KIF26B: variants seen among roughly 807,000 people sequenced by gnomAD.
KIF26B encodes the protein kinesin family member 26B.
Under a neutral mutation model 151.2 loss-of-function variants are expected in KIF26B, and 63 were observed. The observed-to-expected ratio is 0.42, with a 90% CI of 0.34 to 0.51. The LOEUF (loss-of-function observed/expected upper bound fraction) is 0.51, where lower values mean the gene tolerates loss of function less well. KIF26B is among the 20% of genes least tolerant of loss of function. The pLI is 0.07. For synonymous variants in KIF26B, 1,357 were observed against 1,262.1 expected (o/e 1.08, Z -1.59); for missense variants, 2,813 against 2,913.6 (o/e 0.97, Z 0.79).
At chr1:245,551,856 C>A (rs1436159075) in intron 5 of KIF26B, among the ~76,000 whole-genome samples, 1 of 152,166 alleles carries the variant, frequency 6.6e-6, no homozygotes, top group Non-Finnish European at 1.5e-5. Flanking sequence ...CCAGGTTATC[C>A]AGGCTGGGTG....
intron 5 of KIF26B, among the ~76,000 whole-genome samples, chr1:245,593,669 TC>T (rs2043312699): frequency 6.6e-6 from 1 of 152,114 alleles, no homozygotes; most frequent in Non-Finnish European, 1.5e-5. Flanking sequence ...TGATTTATAA[TC>T]CTTTGGGTAT....
intron 5 of KIF26B, among the ~76,000 whole-genome samples, chr1:245,596,679 C>G (rs996122682): frequency 6.6e-6 from 1 of 152,056 alleles, no homozygotes; most frequent in Non-Finnish European, 1.5e-5. Context: ...TGAGTTCAAG[C>G]CCTGAATATC....
chr1:245,320,719 C>T (rs946749370), intron 2 of KIF26B, among the ~76,000 whole-genome samples: 1 of 151,946 alleles, frequency 6.6e-6, no homozygotes, highest in Non-Finnish European at 1.5e-5. Flanking sequence ...CCTCTGTCAC[C>T]CAGGCTGGAG....
At chr1:245,162,295 G>A (rs1435918933) in intron 2 of KIF26B, among the ~76,000 whole-genome samples, 2 of 150,266 alleles carry the variant, frequency 1.3e-5, no homozygotes, top group African/African-American at 2.5e-5. Flanking sequence ...CGTCTATGGT[G>A]TTATTGTGGC....
At chr1:245,559,102 T>C (rs1662106191) in intron 5 of KIF26B, among the ~76,000 whole-genome samples, 1 of 152,182 alleles carries the variant, frequency 6.6e-6, no homozygotes. Flanking sequence ...ATCCCAGCAC[T>C]TTAGGAGGCC....
chr1:245,702,762 C>CT lies in KIF26B; in HGVS notation c.*160dup, dbSNP rs1268640421. On this transcript the variant is annotated 3_prime_UTR_variant, in exon 15 of 15. Coordinates refer to ENST00000407071, the MANE Select transcript of KIF26B (RefSeq NM_018012.4). This position sits in a 1 kb window ranked among gnomAD's most constrained non-coding sequence, Gnocchi z 4.1. ...GGGCGTTGAGCGGAAGGCGAGTTTT[C>CT]TTTTGTTTTCTGTAGGAAAGGTGCA... The CT allele has an allele frequency of 1.1e-5, 9 of 788,136 alleles. No individual in the cohort carries two copies. The highest frequency in any genetic ancestry group is 3.4e-5 in the African/African-American group (2 of 58,074). 48.8% of individuals were successfully genotyped at this position (788,136 alleles called of 1,614,324 possible). A position where few individuals can be genotyped will look rare whatever the true frequency, so the allele number is the denominator to read the frequency against.
chr1:245,608,445 C>T (rs185926331), intron 7 of KIF26B, among the ~76,000 whole-genome samples: 27 of 152,318 alleles, frequency 1.8e-4, no homozygotes, highest in African/African-American at 6.3e-4. Flanking sequence ...GACAGAAAGC[C>T]ATTGCCTCTC....
intron 4 of KIF26B, 25 bp downstream of exon 4, chr1:245,419,770 G>A (rs1041347310): frequency 1.7e-5 from 27 of 1,579,574 alleles, no homozygotes; most frequent in Non-Finnish European, 1.8e-5. Flanking sequence ...CAGATCCTTG[G>A]TTCTTTCCGA....
At chr1:245,408,329 CAAATGATTCTT>C (rs1373196828) in intron 3 of KIF26B, among the ~76,000 whole-genome samples, 1 of 147,378 alleles carries the variant, frequency 6.8e-6, no homozygotes, top group African/African-American at 2.5e-5. Flanking sequence ...ATCACTCATT[CAAATGATTCTT>C]AAATGATTCT....
At chr1:245,223,732 G>C (rs1490124051) in intron 2 of KIF26B, among the ~76,000 whole-genome samples, 1 of 152,140 alleles carries the variant, frequency 6.6e-6, no homozygotes, top group South Asian at 2.1e-4. Context: ...CCTTCAGGGG[G>C]TCCCATATGT....
chr1:245,658,581 G>A (rs967845594), intron 10 of KIF26B, among the ~76,000 whole-genome samples: 1 of 151,774 alleles, frequency 6.6e-6, no homozygotes, highest in Non-Finnish European at 1.5e-5. Flanking sequence ...TTGTAGAGAC[G>A]GGGTTTTACC....
rs1413750771 is a variant in KIF26B, at chr1:245,704,116, G to A, written c.*1510G>A. The A allele has an allele frequency of 6.6e-6, 1 of 152,278 alleles. No individual in the cohort carries two copies. Among genetic ancestry groups the A allele is most frequent in the African/African-American group, 2.4e-5 (1 of 41,460 alleles). The allele number at this position is 152,278 out of a possible 1,614,324, so 9.4% of individuals were successfully genotyped here. On this transcript the variant is annotated 3_prime_UTR_variant, in exon 15 of 15. Transcript: ENST00000407071. ...GGATTTCCCTGATAAAAGCTGTGGT[G>A]CTGATGATAGTGCAGCCCAGAATCT...
At chr1:245,511,195 T>C in intron 4 of KIF26B, 1 of 685,400 alleles carries the variant, frequency 1.5e-6, no homozygotes, top group Non-Finnish European at 2.7e-6. Flanking sequence ...TTTTTTTTAC[T>C]TTAACTTTTT....
intron 2 of KIF26B, among the ~76,000 whole-genome samples, chr1:245,349,534 T>C (rs942530786): frequency 2.0e-5 from 3 of 147,958 alleles, no homozygotes; most frequent in African/African-American, 7.5e-5. Context: ...TCATTAATGT[T>C]GATTTGTTTA....
intron 4 of KIF26B, among the ~76,000 whole-genome samples, chr1:245,513,538 A>G (rs369700335): frequency 4.6e-5 from 7 of 152,182 alleles, no homozygotes; most frequent in African/African-American, 1.7e-4. Context: ...AGTGCCTTAC[A>G]CATGGAACGA....
chr1:245,405,621 G>GTTT (rs762613890), intron 3 of KIF26B, among the ~76,000 whole-genome samples: 1 of 128,488 alleles, frequency 7.8e-6, no homozygotes, highest in African/African-American at 4.5e-5. Context: ...TCCTATTGAT[G>GTTT]TTGTTTTTTT....
chr1:245,281,160 G>A (rs1671042014), intron 2 of KIF26B, among the ~76,000 whole-genome samples: 1 of 51,138 alleles, frequency 2.0e-5, no homozygotes. Context: ...TCCAGTTCTA[G>A]ATCCCTGAGG....
chr1:245,367,686 A>G lies in KIF26B; in HGVS notation c.999+319A>G, dbSNP rs1206526433. Among the ~76,000 whole-genome samples the G allele has an allele frequency of 6.6e-6, 1 of 152,140 alleles. No homozygotes were observed. Among genetic ancestry groups the G allele is most frequent in the Non-Finnish European group, 1.5e-5 (1 of 68,030 alleles). ...CGACTTCCCAGCCAGCAGATTTACC[A>G]CATGGCAGAGCCATGAAGAGGTAGG... On this transcript the variant is annotated intron_variant, in intron 3 of 14. Coordinates refer to ENST00000407071, the MANE Select transcript of KIF26B (RefSeq NM_018012.4). This position sits in a 1 kb window ranked among gnomAD's most constrained non-coding sequence, Gnocchi z 4.2.
At chr1:245,409,834 G>A (rs1674232329) in intron 3 of KIF26B, among the ~76,000 whole-genome samples, 1 of 152,114 alleles carries the variant, frequency 6.6e-6, no homozygotes, top group Non-Finnish European at 1.5e-5. Flanking sequence ...CCAGGTCTGG[G>A]GCAAGCTTCA....
Sources: gnomAD v4.1 joint callset for allele counts (sites outside exome capture counted in the v4.1 genomes callset) on GRCh38, gnomAD v4.1.1 for gene constraint, Gnocchi (gnomAD v3.1) non-coding constraint, MANE v1.5 for transcripts, NCBI Gene and HGNC (gene_info 2026-07-23, HGNC 2026-07-21) for gene names.